Variants in RHOBTB1 observed in about 807,000 individuals in gnomAD.
RHOBTB1 encodes Rho related BTB domain containing 1.
RHOBTB1 carries 40 observed loss-of-function variants against 71.6 expected under a neutral mutation model. The observed-to-expected ratio is 0.56, with a 90% CI of 0.43 to 0.73. The LOEUF is 0.73. Ranked by LOEUF, RHOBTB1 falls within the 30% of genes least tolerant of loss-of-function variation. RHOBTB1 has a pLI of 0.00. For missense variants in RHOBTB1, 797 were observed against 894.0 expected, an observed-to-expected ratio of 0.89 and a Z score of 1.38; for synonymous variants, 319 against 334.9, an observed-to-expected ratio of 0.95 and a Z score of 0.52.
intron 2 of RHOBTB1, among the ~76,000 whole-genome samples, chr10:60,961,120 G>A (rs1421628768): frequency 6.6e-6 from 1 of 152,100 alleles, no homozygotes; most frequent in Non-Finnish European, 1.5e-5. Context: ...AAAGGACCCT[G>A]GGGCTTCCCA....
chr10:60,981,163 T>C (rs994653980), intron 2 of RHOBTB1, among the ~76,000 whole-genome samples: 2 of 152,176 alleles, frequency 1.3e-5, no homozygotes, highest in Non-Finnish European at 2.9e-5. Context: ...CAAATGCCAT[T>C]TGAAGTTTCT....
At chr10:60,961,498 A>G (rs1208663154) in intron 2 of RHOBTB1, among the ~76,000 whole-genome samples, 1 of 152,196 alleles carries the variant, frequency 6.6e-6, no homozygotes, top group Non-Finnish European at 1.5e-5. Flanking sequence ...GTACAATAAA[A>G]TGAATACAAT....
chr10:60,908,847 A>G (rs891116507), intron 4 of RHOBTB1, among the ~76,000 whole-genome samples: 1 of 152,200 alleles, frequency 6.6e-6, no homozygotes, highest in African/African-American at 2.4e-5. Context: ...TACAAGGTAC[A>G]AACATGCACA....
chr10:60,880,237 GAGAC>G (rs1310820303), intron 7 of RHOBTB1, among the ~76,000 whole-genome samples: 2 of 146,936 alleles, frequency 1.4e-5, no homozygotes, highest in Non-Finnish European at 3.0e-5. Context: ...GAGAGAGAGA[GAGAC>G]AGAGTGAGAG....
chr10:60,875,298 G>A (rs1255278539), intron 8 of RHOBTB1, among the ~76,000 whole-genome samples: 1 of 152,144 alleles, frequency 6.6e-6, no homozygotes, highest in Non-Finnish European at 1.5e-5. Context: ...CTCCAGTCCT[G>A]CAATGTTCTG....
rs181283905 is a variant in RHOBTB1, at chr10:60,913,441, C to T, written c.-10-1889G>A. On this transcript the variant is annotated intron_variant, in intron 2 of 10. Transcript: ENST00000337910. ...TTTAAAAATCTCCAATTCTGATGAT[C>T]GGCCAGGCATGGTGACTCCTAAAAT... Among the ~76,000 whole-genome samples, 395 of 152,296 alleles carry T rather than the reference C, an allele frequency of 2.6e-3. 2 individuals are homozygous for T. The highest frequency in any genetic ancestry group is 0.01 in the Middle Eastern group (3 of 294).
chr10:60,896,546 G>A (rs1005020111), intron 4 of RHOBTB1, among the ~76,000 whole-genome samples: 120 of 152,208 alleles, frequency 7.9e-4, no homozygotes, highest in African/African-American at 2.8e-3. Flanking sequence ...CTGAAAAGGG[G>A]TAGGAAGGAG....
At chr10:60,952,739 T>G (rs7898582) in intron 2 of RHOBTB1, among the ~76,000 whole-genome samples, 77,299 of 151,944 alleles carry the variant, frequency 0.51, 20,025 homozygotes, top group East Asian at 0.77. Flanking sequence ...TCTTAAATTC[T>G]GATATTAAAC....
chr10:60,888,702 C>T lies in RHOBTB1; in HGVS notation c.966G>A (p.Gly322=), dbSNP rs1190202889. The change falls in exon 6 of 11, where the codon GGG becomes GGA. Residue 322 remains glycine (G), a synonymous_variant. Coordinates refer to ENST00000337910, the MANE Select transcript of RHOBTB1 (RefSeq NM_014836.5). ...CCTCTGGGTCGACACTCAATATCCG[C>T]CCCTGGAAATCTCTGCTCTGCTTCT... ...EKEKQSRDFQ[G]RILSVDPEEE... is the part of the protein sequence containing the mutation. 2 of 1,614,218 alleles carry T rather than the reference C, an allele frequency of 1.2e-6. No homozygotes were observed. Among genetic ancestry groups the T allele is most frequent in the African/African-American group, 1.3e-5 (1 of 75,058 alleles).
At chr10:60,896,125 G>GA (rs1309305477) in intron 4 of RHOBTB1, among the ~76,000 whole-genome samples, 1 of 152,220 alleles carries the variant, frequency 6.6e-6, no homozygotes, top group African/African-American at 2.4e-5. Flanking sequence ...GCTTTAGGCA[G>GA]AATGCCAAGG....
chr10:60,967,181 C>T (rs1478243120), intron 2 of RHOBTB1, among the ~76,000 whole-genome samples: 1 of 150,858 alleles, frequency 6.6e-6, no homozygotes, highest in Admixed American at 6.6e-5. Context: ...AGTAGTAGTC[C>T]GGGCAAGGGA....
chr10:60,990,963 CAT>C (rs912361897), intron 1 of RHOBTB1, among the ~76,000 whole-genome samples: 37 of 152,300 alleles, frequency 2.4e-4, no homozygotes, highest in African/African-American at 8.7e-4. Context: ...TTTTCACACA[CAT>C]GTTCCTCCAC....
upstream of RHOBTB1, among the ~76,000 whole-genome samples, chr10:60,947,094 T>A (rs529387572): frequency 7.9e-5 from 12 of 152,298 alleles, no homozygotes; most frequent in South Asian, 2.1e-3. Flanking sequence ...CAGCAAGTAG[T>A]ACAGACCGTA....
intron 2 of RHOBTB1, among the ~76,000 whole-genome samples, chr10:60,979,563 A>G (rs1450817590): frequency 2.0e-5 from 3 of 152,136 alleles, no homozygotes; most frequent in Non-Finnish European, 4.4e-5. Context: ...TAAGGGTGCA[A>G]TTCAACTTCA....
In RHOBTB1 at chr10:60,878,141, C is replaced by T. The variant is rs1005512433; in HGVS notation, c.1576-83G>A. 6.3e-6 allele frequency: 7 copies of T among 1,112,894 alleles called. No homozygotes were observed. The African/African-American group carries it at 7.8e-5, about 12-fold the overall frequency. 68.9% of individuals were successfully genotyped at this position (1,112,894 alleles called of 1,614,324 possible). A position where few individuals can be genotyped will look rare whatever the true frequency, so the allele number is the denominator to read the frequency against. Reference sequence around the variant, plus strand: ...TTCAGGCTATGCTGCTTATAAATATCCTGTGTGACTTGATATTGGTGAGTG... The same window carrying T: ...TTCAGGCTATGCTGCTTATAAATATTCTGTGTGACTTGATATTGGTGAGTG... On this transcript the variant is annotated intron_variant, in intron 7 of 10. Transcript: ENST00000337910.
Position 60,878,097 on chromosome 10 carries a change from A to G in RHOBTB1, c.1576-39T>C, listed in dbSNP as rs751876236. The G allele has an allele frequency of 7.1e-5, 111 of 1,573,220 alleles. 1 individual carries two copies. In the East Asian group the frequency reaches 2.5e-3, roughly 35 times the overall value. On this transcript the variant is annotated intron_variant, in intron 7 of 10. Coordinates refer to ENST00000337910, the MANE Select transcript of RHOBTB1 (RefSeq NM_014836.5). The stretch of plus-strand genomic sequence containing the variant: ...CAAAAAGCTAAATTCTGCTGCAGAA[A>G]GCAGGGAGTGGGCACATTTTCAGGC...
At chr10:60,924,999 T>C (rs2133828198) in intron 2 of RHOBTB1, among the ~76,000 whole-genome samples, 1 of 152,346 alleles carries the variant, frequency 6.6e-6, no homozygotes, top group South Asian at 2.1e-4. Flanking sequence ...CACTCATGAA[T>C]GGCTTGAGCC....
intron 10 of RHOBTB1, 36 bp from the exon 11 acceptor site, chr10:60,871,687 G>A: frequency 2.5e-6 from 4 of 1,589,012 alleles, no homozygotes; most frequent in Non-Finnish European, 3.4e-6. Flanking sequence ...AAGACCTGCG[G>A]TTCATTGATG....
chr10:60,976,868 T>C (rs556001230), intron 2 of RHOBTB1, among the ~76,000 whole-genome samples: 1 of 152,186 alleles, frequency 6.6e-6, no homozygotes, highest in South Asian at 2.1e-4. Context: ...GTTTAATATT[T>C]AACACACAAA....
Sources: allele counts gnomAD v4.1 joint callset (sites outside exome capture counted in the v4.1 genomes callset), GRCh38; gene constraint gnomAD v4.1.1; transcripts MANE v1.5; gene names NCBI Gene and HGNC (gene_info 2026-07-23, HGNC 2026-07-21).